CCDC50: variants seen among roughly 807,000 people sequenced by gnomAD.
The protein encoded by CCDC50 is coiled-coil domain containing 50, also known as coiled-coil domain-containing protein 50.
Under a neutral mutation model 70.2 loss-of-function variants are expected in CCDC50, and 54 were observed. The ratio of observed to expected loss-of-function variants is 0.77; its 90% CI spans 0.62 to 0.96. The LOEUF (loss-of-function observed/expected upper bound fraction) is 0.96. Among genes scored for constraint, CCDC50 ranks in the 50% least tolerant of loss-of-function variants. The pLI, the probability that CCDC50 is intolerant of heterozygous loss-of-function variation, is 0.00. For missense variants in CCDC50, 558 were observed against 578.7 expected, an observed-to-expected ratio of 0.96 and a Z score of 0.37; for synonymous variants, 216 against 198.8, an observed-to-expected ratio of 1.09 and a Z score of -0.73.
intron 1 of CCDC50, among the ~76,000 whole-genome samples, chr3:191,348,978 A>G (rs76036629): frequency 0.1 from 14,561 of 141,678 alleles, 2,584 homozygotes; most frequent in East Asian, 0.24. Context: ...GCAACTCAGA[A>G]CTAAGTTTGC....
At chr3:191,358,383 T>C (rs1712367510) in intron 3 of CCDC50, among the ~76,000 whole-genome samples, 1 of 152,202 alleles carries the variant, frequency 6.6e-6, no homozygotes, top group Non-Finnish European at 1.5e-5. Flanking sequence ...TTGGGCCAGT[T>C]AGTCAACTTC....
chr3:191,369,782 A>G (rs1189004865), intron 4 of CCDC50, 137 bp from the exon 5 acceptor site: 3 of 721,628 alleles, frequency 4.2e-6, no homozygotes, highest in African/African-American at 3.5e-5. Context: ...ATTTGAAGAC[A>G]TGAAATTAAT....
intron 1 of CCDC50, among the ~76,000 whole-genome samples, chr3:191,355,755 C>T (rs1315295454): frequency 2.6e-5 from 4 of 152,256 alleles, no homozygotes; most frequent in Middle Eastern, 3.4e-3. Context: ...GCTTTCTGTT[C>T]GAATTACTGG....
At chr3:191,329,959 A>C (rs1369209160) in intron 1 of CCDC50, among the ~76,000 whole-genome samples, 3 of 135,476 alleles carry the variant, frequency 2.2e-5, no homozygotes, top group Admixed American at 1.5e-4. Flanking sequence ...GGGGGGGGCT[A>C]GCAGCAGCCC....
intron 4 of CCDC50, among the ~76,000 whole-genome samples, chr3:191,367,622 T>C (rs1322307380): frequency 6.6e-6 from 1 of 152,186 alleles, no homozygotes; most frequent in Non-Finnish European, 1.5e-5. Context: ...GCCAAATGTC[T>C]TTGACTACTT....
At chr3:191,368,240 A>G (rs1030389242) in intron 4 of CCDC50, among the ~76,000 whole-genome samples, 1 of 152,014 alleles carries the variant, frequency 6.6e-6, no homozygotes, top group African/African-American at 2.4e-5. Flanking sequence ...AAAGTCTTAG[A>G]AACTCAGAGT....
chr3:191,336,962 C>CA (rs1560154220), intron 1 of CCDC50, among the ~76,000 whole-genome samples: 2 of 151,416 alleles, frequency 1.3e-5, no homozygotes, highest in South Asian at 2.1e-4. Flanking sequence ...TTTAATGATT[C>CA]AAAAAAAATA....
chr3:191,385,648 C>A (rs534282), intron 10 of CCDC50, among the ~76,000 whole-genome samples: 63,935 of 151,696 alleles, frequency 0.42, 15,108 homozygotes, highest in Non-Finnish European at 0.53. Context: ...TCTTTAGTTA[C>A]ATTAAGTCCT....
intron 1 of CCDC50, among the ~76,000 whole-genome samples, chr3:191,346,296 G>C: frequency 6.6e-6 from 1 of 152,220 alleles, no homozygotes; most frequent in East Asian, 1.9e-4. Context: ...TATCAGATTC[G>C]CCTTCATGGA....
At chr3:191,334,939 T>C (rs750680062) in intron 1 of CCDC50, among the ~76,000 whole-genome samples, 10 of 152,184 alleles carry the variant, frequency 6.6e-5, no homozygotes, top group South Asian at 2.1e-4. Flanking sequence ...CTGTAGGAAG[T>C]CACACTCTTG....
chr3:191,391,412 G>T lies in CCDC50; in HGVS notation c.1430-329G>T, dbSNP rs549507237. Among the ~76,000 whole-genome samples the T allele has an allele frequency of 6.4e-4, 98 of 152,218 alleles. 1 individual carries two copies. Among genetic ancestry groups the T allele is most frequent in the Non-Finnish European group, 3.1e-4 (21 of 68,012 alleles). On this transcript the variant is annotated intron_variant, in intron 11 of 11. Transcript: ENST00000392455. Reference sequence around the variant, plus strand: ...ATTATTTTAAAAGTAAGGTTAGTTGGACATTATAAACATCTTCATCAACAC... The same window carrying T: ...ATTATTTTAAAAGTAAGGTTAGTTGTACATTATAAACATCTTCATCAACAC...
intron 4 of CCDC50, among the ~76,000 whole-genome samples, chr3:191,367,950 A>G (rs950749347): frequency 6.6e-6 from 1 of 152,064 alleles, no homozygotes; most frequent in Non-Finnish European, 1.5e-5. Flanking sequence ...TGATTGATAG[A>G]TTACTTTGTA....
intron 10 of CCDC50, among the ~76,000 whole-genome samples, chr3:191,387,407 TTAA>T (rs1418682833): frequency 6.6e-6 from 1 of 152,100 alleles, no homozygotes; most frequent in African/African-American, 2.4e-5. Context: ...ACAAAGTTAG[TTAA>T]TAAGATTTTT....
intron 10 of CCDC50, among the ~76,000 whole-genome samples, chr3:191,383,438 T>C (rs1314694942): frequency 6.6e-6 from 1 of 152,098 alleles, no homozygotes; most frequent in African/African-American, 2.4e-5. Context: ...TTTAATTGCT[T>C]TTTGTTGCCT....
chr3:191,335,326 G>A (rs567514442), intron 1 of CCDC50, among the ~76,000 whole-genome samples: 14 of 152,254 alleles, frequency 9.2e-5, no homozygotes, highest in Non-Finnish European at 1.8e-4. Context: ...CTGTTTCAGA[G>A]GTAGCCACTG....
chr3:191,380,682 C>T lies in CCDC50; in HGVS notation c.1093-5C>T. 2 of 1,611,852 alleles carry T rather than the reference C, an allele frequency of 1.2e-6. No individual in the cohort carries two copies. The highest frequency in any genetic ancestry group is 1.7e-6 in the Non-Finnish European group (2 of 1,178,648). ...TTCTTTGTTTTTGTATTTTCGATAT[C>T]ATAGGCTACCCAGGTGGACATGAGA... On this transcript the variant is annotated splice_polypyrimidine_tract_variant and splice_region_variant and intron_variant, in intron 7 of 11. Coordinates refer to ENST00000392455, the MANE Select transcript of CCDC50 (RefSeq NM_178335.3).
intron 4 of CCDC50, among the ~76,000 whole-genome samples, chr3:191,361,673 T>C (rs1436083065): frequency 6.6e-6 from 1 of 152,230 alleles, no homozygotes; most frequent in Non-Finnish European, 1.5e-5. Context: ...ACATCAGTCA[T>C]TGAATTGAGG....
intron 6 of CCDC50, among the ~76,000 whole-genome samples, chr3:191,378,060 T>G (rs1713178708): frequency 6.6e-6 from 1 of 152,112 alleles, no homozygotes; most frequent in Non-Finnish European, 1.5e-5. Flanking sequence ...TCACCTTGGG[T>G]CCAGAGGACA....
chr3:191,340,037 T>C (rs538190821), intron 1 of CCDC50, among the ~76,000 whole-genome samples: 1 of 152,352 alleles, frequency 6.6e-6, no homozygotes, highest in South Asian at 2.1e-4. Flanking sequence ...CATTTTTACA[T>C]GATGTATAAT....
Sources: gnomAD v4.1 joint callset for allele counts (sites outside exome capture counted in the v4.1 genomes callset) on GRCh38, gnomAD v4.1.1 for gene constraint, MANE v1.5 for transcripts, NCBI Gene and HGNC (gene_info 2026-07-23, HGNC 2026-07-21) for gene names.